GPBP1: variants seen among roughly 807,000 people sequenced by gnomAD.
GPBP1 encodes the protein GC-rich promoter binding protein 1.
GPBP1 carries 13 observed loss-of-function variants against 56.5 expected under a neutral mutation model. That is an observed-to-expected ratio of 0.23 (90% confidence interval 0.15 to 0.37). The LOEUF (loss-of-function observed/expected upper bound fraction) is 0.37. Ranked by LOEUF, GPBP1 falls within the 10% of genes least tolerant of loss-of-function variation. The probability of loss-of-function intolerance (pLI) is 1.00; values close to 1 mark genes in which losing one functional copy is unlikely to be tolerated. For synonymous variants in GPBP1, 204 were observed against 188.9 expected (o/e 1.08, Z -0.66); for missense variants, 477 against 572.3 (o/e 0.83, Z 1.70).
chr5:57,196,624 C>T (rs1261687266), intron 2 of GPBP1, among the ~76,000 whole-genome samples: 3 of 152,116 alleles, frequency 2.0e-5, no homozygotes, highest in African/African-American at 4.8e-5. Context: ...AGGTCTCGCT[C>T]TGTCTTCCAG....
intron 10 of GPBP1, among the ~76,000 whole-genome samples, chr5:57,257,851 A>G (rs567947014): frequency 4.6e-5 from 7 of 152,346 alleles, no homozygotes; most frequent in African/African-American, 1.4e-4. Context: ...ATGTAAAGAC[A>G]TGGTTAGAAT....
At chr5:57,220,852 G>A (rs1446025205) in intron 3 of GPBP1, among the ~76,000 whole-genome samples, 1 of 152,032 alleles carries the variant, frequency 6.6e-6, no homozygotes, top group Non-Finnish European at 1.5e-5. Flanking sequence ...TACTTTTATT[G>A]TACCTTTTCT....
chr5:57,215,323 A>G (rs747424627), intron 3 of GPBP1, among the ~76,000 whole-genome samples: 4 of 152,188 alleles, frequency 2.6e-5, no homozygotes, highest in Non-Finnish European at 5.9e-5. Context: ...GTGCAGAGTA[A>G]AGGGTTTGTG....
chr5:57,199,633 G>A (rs1352991837), intron 2 of GPBP1, among the ~76,000 whole-genome samples: 1 of 152,064 alleles, frequency 6.6e-6, no homozygotes, highest in African/African-American at 2.4e-5. Context: ...CCACGTTGGT[G>A]TGCTGCACCC....
chr5:57,244,131 A>G (rs1316952933), intron 6 of GPBP1, among the ~76,000 whole-genome samples: 1 of 152,198 alleles, frequency 6.6e-6, no homozygotes. Context: ...TTCTATTTTT[A>G]TCAAAGTTGC....
At chr5:57,243,664 CCTATCT>C (rs1740939369) in intron 6 of GPBP1, among the ~76,000 whole-genome samples, 1 of 150,432 alleles carries the variant, frequency 6.6e-6, no homozygotes, top group Non-Finnish European at 1.5e-5. Flanking sequence ...TATCTACTTG[CCTATCT>C]AGTTTTCATG....
At chr5:57,222,552 A>G (rs1196309849) in intron 3 of GPBP1, among the ~76,000 whole-genome samples, 1 of 152,124 alleles carries the variant, frequency 6.6e-6, no homozygotes, top group African/African-American at 2.4e-5. Flanking sequence ...TACCATCTCT[A>G]GTATCTTTCT....
chr5:57,246,954 A>G (rs1381453254), intron 7 of GPBP1, 121 bp from the exon 8 acceptor site: 1 of 742,896 alleles, frequency 1.3e-6, no homozygotes, highest in Non-Finnish European at 2.1e-6. Flanking sequence ...GCAGTGTGAT[A>G]CAAAAATAAT....
intron 3 of GPBP1, among the ~76,000 whole-genome samples, chr5:57,216,504 T>G (rs1031958785): frequency 3.9e-5 from 6 of 152,094 alleles, no homozygotes; most frequent in African/African-American, 1.2e-4. Flanking sequence ...GGCAGATCAC[T>G]TGAGGTCAAG....
chr5:57,208,673 T>TTTG (rs1755344181), intron 2 of GPBP1, among the ~76,000 whole-genome samples: 2 of 147,312 alleles, frequency 1.4e-5, no homozygotes, highest in South Asian at 4.3e-4. Flanking sequence ...TTTTTTTTTT[T>TTTG]TGAGACAGAG....
At chr5:57,213,933 C>G in intron 2 of GPBP1, 141 bp from the exon 3 acceptor site, 1 of 513,286 alleles carries the variant, frequency 1.9e-6, no homozygotes, top group South Asian at 2.9e-5. Context: ...GATCTATTTT[C>G]TATCTCTATA....
rs755000311 is a variant in GPBP1, at chr5:57,262,671, G to A, written c.1341G>A (p.Lys447=). 4 of 1,613,714 alleles carry A rather than the reference G, an allele frequency of 2.5e-6. No individual in the cohort carries two copies. The Admixed American group carries it at 6.7e-5, about 27-fold the overall frequency. Residue 447 remains lysine, a synonymous_variant, in exon 12 of 12, where the codon AAG becomes AAA. Coordinates refer to ENST00000506184, the MANE Select transcript of GPBP1 (RefSeq NM_022913.4). ...GTGACTTCAAGTTTGGACCGTGGAA[G>A]AACAGCACTTTCAAACCCACAACTG... ...LICDFKFGPW[K]NSTFKPTTEN...
intron 10 of GPBP1, among the ~76,000 whole-genome samples, chr5:57,257,067 C>T (rs568969935): frequency 4.6e-5 from 7 of 151,510 alleles, no homozygotes; most frequent in African/African-American, 1.7e-4. Context: ...GAGTTTCACT[C>T]TTGTCACACA....
intron 2 of GPBP1, among the ~76,000 whole-genome samples, chr5:57,189,378 C>T (rs1428158632): frequency 6.6e-6 from 1 of 152,220 alleles, no homozygotes; most frequent in Non-Finnish European, 1.5e-5. Context: ...CTAGGCCTCC[C>T]AAAGTGTTGG....
chr5:57,250,882 T>C, intron 9 of GPBP1, 72 bp from the exon 10 acceptor site: 1 of 999,234 alleles, frequency 1.0e-6, no homozygotes, highest in Non-Finnish European at 1.5e-6. Context: ...AGTTAGGATC[T>C]ATTAAAAGTT....
chr5:57,194,190 T>C (rs1204953238), intron 2 of GPBP1, among the ~76,000 whole-genome samples: 2 of 152,204 alleles, frequency 1.3e-5, no homozygotes, highest in East Asian at 3.8e-4. Flanking sequence ...TTTCTTGTTT[T>C]TGTTTCTTTT....
rs1405026877 is a variant in GPBP1, at chr5:57,175,934, AT to A, written c.-523del. On this transcript the variant is annotated 5_prime_UTR_variant, in exon 2 of 12. An upstream open reading frame in the 5' UTR loses its in-frame stop. Coordinates refer to ENST00000506184, the MANE Select transcript of GPBP1 (RefSeq NM_022913.4). ...TTTTCTGAATGAAGAGATTGAAAGAATACAGAGTTTTTTTCCTTTTATCTTT... is the reference window on the plus strand; with the variant it reads ...TTTTCTGAATGAAGAGATTGAAAGAAACAGAGTTTTTTTCCTTTTATCTTT... The A allele has an allele frequency of 1.3e-5, 5 of 398,464 alleles. No individual in the cohort carries two copies. Among genetic ancestry groups the A allele is most frequent in the Non-Finnish European group, 2.2e-5 (5 of 226,050 alleles). The allele number at this position is 398,464 out of a possible 1,614,324, so 24.7% of individuals were successfully genotyped here. A position where few individuals can be genotyped will look rare whatever the true frequency, so the allele number is the denominator to read the frequency against.
At chr5:57,238,695 TA>T (rs1184498703) in intron 6 of GPBP1, among the ~76,000 whole-genome samples, 1 of 152,200 alleles carries the variant, frequency 6.6e-6, no homozygotes, top group Non-Finnish European at 1.5e-5. Flanking sequence ...CTTAAGATAT[TA>T]AAAAATCAGA....
intron 2 of GPBP1, among the ~76,000 whole-genome samples, chr5:57,187,557 A>G (rs950734902): frequency 1.1e-4 from 17 of 152,188 alleles, no homozygotes; most frequent in African/African-American, 4.1e-4. Flanking sequence ...TTCTATGAAT[A>G]CAGAATAAAA....
Sources: gnomAD v4.1 joint callset for allele counts (sites outside exome capture counted in the v4.1 genomes callset) on GRCh38, gnomAD v4.1.1 for gene constraint, MANE v1.5 for transcripts, NCBI Gene and HGNC (gene_info 2026-07-23, HGNC 2026-07-21) for gene names.